HSPG2: variants seen among roughly 807,000 people sequenced by gnomAD.
HSPG2 encodes heparan sulfate proteoglycan 2.
In HSPG2, 278 loss-of-function variants were observed where a neutral mutation model predicts 526.6. That is an observed-to-expected ratio of 0.53 (90% CI 0.48 to 0.58). The LOEUF is 0.58. Ranked by LOEUF, HSPG2 falls within the 20% of genes least tolerant of loss-of-function variation. HSPG2 has a pLI of 0.00. For missense variants in HSPG2, 5,354 were observed against 6,099.5 expected (o/e 0.88, Z 4.07); for synonymous variants, 2,465 against 2,555.4 (o/e 0.96, Z 1.07).
At chr1:21,891,201 TCCA>T (rs1642334917) in intron 3 of HSPG2, among the ~76,000 whole-genome samples, 1 of 152,224 alleles carries the variant, frequency 6.6e-6, no homozygotes, top group Non-Finnish European at 1.5e-5. Flanking sequence ...CAGAGCACCT[TCCA>T]CCGTGTACTG....
At position 21,893,007 on chromosome 1, in the gene HSPG2, G is replaced by A. The variant is rs557719777; in HGVS notation, c.245-2313C>T. 8.5e-4 allele frequency among the ~76,000 whole-genome samples: 130 copies of A among 152,298 alleles called. No homozygotes were observed. Among genetic ancestry groups the A allele is most frequent in the Non-Finnish European group, 1.7e-3 (114 of 68,022 alleles). On this transcript the variant is annotated intron_variant, in intron 3 of 96. Coordinates refer to ENST00000374695, the MANE Select transcript of HSPG2 (RefSeq NM_005529.7). The surrounding 1 kb of genome is among the most constrained non-coding windows in gnomAD (Gnocchi z 4.3). ...TCTCCCTCCTCTCACCCTATCTGGT[G>A]AGTTCCCTTGGAGCCAGAGGCCGGG...
At position 21,880,751 on chromosome 1, in the gene HSPG2, C is replaced by T. The variant is rs558525559; in HGVS notation, c.1903G>A (p.Val635Met). ...GMLEPVQRPD[V>M]VLMGAGYRLL... The stretch of plus-strand genomic sequence containing the variant: ...CGGTACCCGGCACCCATGAGGACCA[C>T]GTCCGGCCGCTGCACTGGCTCCAGC... Residue 635 changes from valine to methionine, a missense_variant, in exon 15 of 97, where the codon GTG (valine) becomes ATG (methionine). Coordinates refer to ENST00000374695, the MANE Select transcript of HSPG2 (RefSeq NM_005529.7). 1.7e-5 allele frequency: 27 copies of T among 1,600,022 alleles called. No individual in the cohort carries two copies. In the African/African-American group the frequency reaches 2.1e-4, roughly 13 times the overall value.
Position 21,884,807 on chromosome 1 carries a change from A to G in HSPG2, c.1467T>C (p.Phe489=). 5 of 1,613,766 alleles carry G rather than the reference A, an allele frequency of 3.1e-6. No homozygotes were observed. Among genetic ancestry groups the G allele is most frequent in the Non-Finnish European group, 4.2e-6 (5 of 1,180,004 alleles). Residue 489 remains phenylalanine, a synonymous_variant, in exon 12 of 97, where the codon TTT becomes TTC. Coordinates refer to ENST00000374695, the MANE Select transcript of HSPG2 (RefSeq NM_005529.7). The part of the protein sequence containing the change: ...CEAMNARGMV[F]GIPDGVLELV... ...GCTCAAGGACACCGTCAGGAATGCC[A>G]AACACCATGCCCCGGGCGTTCATGG...
Position 21,872,112 on chromosome 1 carries a change from G to T in HSPG2, c.4221+74C>A. On this transcript the variant is annotated intron_variant, in intron 33 of 96. Coordinates refer to ENST00000374695, the MANE Select transcript of HSPG2 (RefSeq NM_005529.7). The surrounding 1 kb of genome is among the most constrained non-coding windows in gnomAD (Gnocchi z 5.5). Reference sequence around the variant, plus strand: ...ATGGCCATGCAGGTGGCAGGTGCCTGCCTGCTGAGAGACGGCGCAGAGGTG... The same window carrying T: ...ATGGCCATGCAGGTGGCAGGTGCCTTCCTGCTGAGAGACGGCGCAGAGGTG... The T allele has an allele frequency of 1.3e-6, 2 of 1,497,938 alleles. No homozygotes were observed. Among genetic ancestry groups the T allele is most frequent in the East Asian group, 2.5e-5 (1 of 40,612 alleles). The allele number at this position is 1,497,938 out of a possible 1,614,324, so 92.8% of individuals were successfully genotyped here. A position where few individuals can be genotyped will look rare whatever the true frequency, so the allele number is the denominator to read the frequency against.
chr1:21,873,675 G>A (rs1640827416), intron 29 of HSPG2, among the ~76,000 whole-genome samples: 1 of 152,140 alleles, frequency 6.6e-6, no homozygotes. Flanking sequence ...GAAGACTCTG[G>A]CCTGGCTGGG....
chr1:21,884,427 C>G, intron 13 of HSPG2, 101 bp downstream of exon 13: 1 of 1,501,450 alleles, frequency 6.7e-7, no homozygotes, highest in Non-Finnish European at 9.2e-7. Flanking sequence ...CATTCCTTCC[C>G]GAAACCTGGC....
At chr1:21,849,725 G>A (rs1000211845) in intron 57 of HSPG2, among the ~76,000 whole-genome samples, 1 of 152,064 alleles carries the variant, frequency 6.6e-6, no homozygotes, top group African/African-American at 2.4e-5. Flanking sequence ...TGTCGCCCAG[G>A]CTGGAGTGCA....
Position 21,838,924 on chromosome 1 carries a change from G to A in HSPG2, c.10051C>T (p.His3351Tyr). The change falls in exon 74 of 97, where the codon CAC (histidine) becomes TAC (tyrosine). Residue 3351 changes from histidine (H) to tyrosine (Y), a missense_variant. Coordinates refer to ENST00000374695, the MANE Select transcript of HSPG2 (RefSeq NM_005529.7). ...GRATARNELLHFERAAPEDSG... is the reference protein window; with the variant it reads ...GRATARNELLYFERAAPEDSG... ...TCCTCAGGGGCTGCACGCTCAAAGT[G>A]CAGCAGCTCGTTCCTGGCGGTCGCC... is the stretch of plus-strand genomic sequence containing the variant. 1.2e-6 allele frequency: 2 copies of A among 1,612,146 alleles called. No individual in the cohort carries two copies. Among genetic ancestry groups the A allele is most frequent in the Non-Finnish European group, 1.7e-6 (2 of 1,179,046 alleles).
chr1:21,829,579 C>T lies in HSPG2; in HGVS notation c.11796G>A (p.Leu3932=). ...GTGCCAGGTAGGAGCCAGCACCCGACAGCGAGGGGGTGGTCACTGTCACAC... is the reference window on the plus strand; with the variant it reads ...GTGCCAGGTAGGAGCCAGCACCCGATAGCGAGGGGGTGGTCACTGTCACAC... ...EEGVTVTTPS[L]SGAGSYLALP... Residue 3932 remains leucine, a synonymous_variant, in exon 87 of 97, where the codon CTG becomes CTA. Coordinates refer to ENST00000374695, the MANE Select transcript of HSPG2 (RefSeq NM_005529.7). The T allele has an allele frequency of 6.2e-7, 1 of 1,608,206 alleles. No homozygotes were observed. The highest frequency in any genetic ancestry group is 8.5e-7 in the Non-Finnish European group (1 of 1,176,660).
chr1:21,871,362 C>T (rs2152743574), intron 33 of HSPG2, among the ~76,000 whole-genome samples: 1 of 150,796 alleles, frequency 6.6e-6, no homozygotes, highest in South Asian at 2.1e-4. Context: ...TGGGTACCAG[C>T]GATCCTCCCA....
chr1:21,888,160 C>A (rs1642080095), intron 6 of HSPG2, 94 bp from the exon 7 acceptor site: 5 of 1,551,346 alleles, frequency 3.2e-6, no homozygotes, highest in Non-Finnish European at 3.5e-6. Flanking sequence ...GGCTCCAGGG[C>A]CCTGTGTCAG....
rs372639189 is a variant in HSPG2 at position 21,855,922 on chromosome 1, G to A, written c.5576-10C>T. ...GACAAGGTGCCCGAGGCTGACAAGG[G>A]AGGAAAAGGAACATGCACTCAGGGT... is the stretch of plus-strand genomic sequence containing the variant. On this transcript the variant is annotated splice_polypyrimidine_tract_variant and intron_variant, in intron 44 of 96. Coordinates refer to ENST00000374695, the MANE Select transcript of HSPG2 (RefSeq NM_005529.7). 6.2e-6 allele frequency: 10 copies of A among 1,606,750 alleles called. No individual in the cohort carries two copies. The highest frequency in any genetic ancestry group is 4.0e-5 in the African/African-American group (3 of 74,922).
chr1:21,864,897 G>T lies in HSPG2; in HGVS notation c.4572C>A (p.Ala1524=), dbSNP rs763652737. 5 of 1,610,518 alleles carry T rather than the reference G, an allele frequency of 3.1e-6. No homozygotes were observed. In the South Asian group the frequency reaches 4.4e-5, roughly 14 times the overall value. ...AQPGPSNRPR[A]LEVEECRCPP... ...GGCAGCGGCACTCCTCCACCTCGAGGGCGCGGGGTCTGTTTGAGGGCCCCG... is the reference window on the plus strand; with the variant it reads ...GGCAGCGGCACTCCTCCACCTCGAGTGCGCGGGGTCTGTTTGAGGGCCCCG... The change falls in exon 36 of 97, where the codon GCC becomes GCA. Residue 1524 remains alanine (A), a synonymous_variant. Transcript: ENST00000374695. This position sits in a 1 kb window ranked among gnomAD's most constrained non-coding sequence, Gnocchi z 4.8.
At position 21,847,702 on chromosome 1, in the gene HSPG2, G is replaced by GCCTC. The variant is rs1638554487; in HGVS notation, c.8011_8012insGAGG (p.Pro2671ArgfsTer21). The GCCTC allele has an allele frequency of 6.2e-7, 1 of 1,609,160 alleles. No individual in the cohort carries two copies. Among genetic ancestry groups the GCCTC allele is most frequent in the East Asian group, 2.2e-5 (1 of 44,578 alleles). Reference sequence around the variant, plus strand: ...TCCACTCTGTACCTGGTGTCGGGAGGGAAGGCTGCCCCCACGCTTGTACCA... The same window carrying GCCTC: ...TCCACTCTGTACCTGGTGTCGGGAGGCCTCGAAGGCTGCCCCCACGCTTGTACCA... On this transcript the variant is annotated frameshift_variant, in exon 61 of 97. Coordinates refer to ENST00000374695, the MANE Select transcript of HSPG2 (RefSeq NM_005529.7). LOFTEE classifies it high-confidence loss of function. This position sits in a 1 kb window ranked among gnomAD's most constrained non-coding sequence, Gnocchi z 4.1.
intron 1 of HSPG2, among the ~76,000 whole-genome samples, chr1:21,924,705 G>C (rs561276423): frequency 2.0e-5 from 3 of 152,184 alleles, no homozygotes; most frequent in African/African-American, 7.2e-5. Context: ...CAGCTATCTT[G>C]GGGACTTCCT....
chr1:21,824,069 C>A lies in HSPG2; in HGVS notation c.12899+52G>T, dbSNP rs1040206506. 1.7e-5 allele frequency: 25 copies of A among 1,511,232 alleles called. No individual in the cohort carries two copies. In the African/African-American group the frequency reaches 2.9e-4, roughly 17 times the overall value. The allele number at this position is 1,511,232 out of a possible 1,614,324, so 93.6% of individuals were successfully genotyped here. ...TCTGCCCATGGTAGGGGGCGTCCTG[C>A]CCCACTCCAGAACGCTGGGCCCCAT... is the stretch of plus-strand genomic sequence containing the variant. On this transcript the variant is annotated intron_variant, in intron 95 of 96. Transcript: ENST00000374695. The surrounding 1 kb of genome is among the most constrained non-coding windows in gnomAD (Gnocchi z 5.9).
In HSPG2 at chr1:21,836,791, GC is replaced by G; in HGVS notation, c.10355+10del. 6.5e-7 allele frequency: 1 copy of G among 1,547,110 alleles called. No homozygotes were observed. On this transcript the variant is annotated intron_variant, in intron 75 of 96. Coordinates refer to ENST00000374695, the MANE Select transcript of HSPG2 (RefSeq NM_005529.7). ...CTGCCCAAGTCCAGTCCTGCCCCCG[GC>G]CCCACTCACCGGAGCACCCCATCCT...
At chr1:21,875,284 G>C in intron 25 of HSPG2, 1 of 596,702 alleles carries the variant, frequency 1.7e-6, no homozygotes, top group South Asian at 2.0e-5. Context: ...CCACGGGCCT[G>C]AAAGAACGAT....
rs1410291970 is a variant in HSPG2 at position 21,893,579 on chromosome 1, G to T, written c.244+2343C>A. Among the ~76,000 whole-genome samples the T allele has an allele frequency of 6.6e-6, 1 of 152,068 alleles. No individual in the cohort carries two copies. Among genetic ancestry groups the T allele is most frequent in the Non-Finnish European group, 1.5e-5 (1 of 67,996 alleles). ...AGCGCTCCCACCTGGCCAGGGCCTG[G>T]GTCACTTACTGAGAGGGGACTCCTC... On this transcript the variant is annotated intron_variant, in intron 3 of 96. Transcript: ENST00000374695. This position sits in a 1 kb window ranked among gnomAD's most constrained non-coding sequence, Gnocchi z 4.3.
Sources: gnomAD v4.1 joint callset for allele counts (sites outside exome capture counted in the v4.1 genomes callset) on GRCh38, gnomAD v4.1.1 for gene constraint, Gnocchi (gnomAD v3.1) non-coding constraint, MANE v1.5 for transcripts, NCBI Gene and HGNC (gene_info 2026-07-23, HGNC 2026-07-21) for gene names.